The following GTF2IRD2 variants were observed in gnomAD, a reference collection of about 807,000 sequenced individuals.
GTF2IRD2 encodes general transcription factor II-I repeat domain-containing protein 2A.
GTF2IRD2 carries 8 observed loss-of-function variants against 49.2 expected under a neutral mutation model. The ratio of observed to expected loss-of-function variants is 0.16; its 90% confidence interval spans 0.10 to 0.29. GTF2IRD2 has a LOEUF of 0.29. Ranked by LOEUF, GTF2IRD2 falls within the 10% of genes least tolerant of loss-of-function variation. GTF2IRD2 has a pLI of 1.00. For missense variants in GTF2IRD2, 130 were observed against 725.7 expected, an observed-to-expected ratio of 0.18 and a Z score of 9.43; for synonymous variants, 47 against 289.7, an observed-to-expected ratio of 0.16 and a Z score of 8.51.
chr7:74,844,476 T>TC (rs1235221559), intron 1 of GTF2IRD2, among the ~76,000 whole-genome samples: 1 of 37,984 alleles, frequency 2.6e-5, no homozygotes, highest in Non-Finnish European at 4.8e-5. Flanking sequence ...AATCTCCACC[T>TC]CCCTGGTCAA....
chr7:74,825,788 T>C (rs1251221556), intron 3 of GTF2IRD2, among the ~76,000 whole-genome samples: 1 of 147,184 alleles, frequency 6.8e-6, no homozygotes, highest in Admixed American at 7.3e-5. Flanking sequence ...CAAGTATAGT[T>C]TTCTTTCTTT....
chr7:74,796,352 G>A lies in GTF2IRD2; in HGVS notation c.*310C>T, dbSNP rs587689503. The A allele has an allele frequency of 4.0e-4, 147 of 370,464 alleles. 1 individual carries two copies. Among genetic ancestry groups the A allele is most frequent in the African/African-American group, 2.8e-3 (135 of 47,508 alleles). The allele number at this position is 370,464 out of a possible 1,614,324, so 22.9% of individuals were successfully genotyped here. A position where few individuals can be genotyped will look rare whatever the true frequency, so the allele number is the denominator to read the frequency against. ...GGTCGAGGCAGGTGGATCACCTGAG[G>A]TCAGGAGTTGGAGACCAGCCTGGCC... On this transcript the variant is annotated 3_prime_UTR_variant, in exon 16 of 16. Transcript: ENST00000451013.
At chr7:74,842,988 C>T (rs1554422061) in intron 1 of GTF2IRD2, among the ~76,000 whole-genome samples, 3 of 77,664 alleles carry the variant, frequency 3.9e-5, no homozygotes, top group South Asian at 5.8e-4. Flanking sequence ...TGCAGTGGCA[C>T]GATCTCAGCT....
intron 3 of GTF2IRD2, among the ~76,000 whole-genome samples, chr7:74,831,844 A>AT (rs781792413): frequency 3.8e-5 from 1 of 26,626 alleles, no homozygotes; most frequent in African/African-American, 1.9e-4. Context: ...CGCCCATCTA[A>AT]TTTTTTTTTG....
intron 6 of GTF2IRD2, 159 bp downstream of exon 6, chr7:74,822,268 C>T: frequency 5.4e-6 from 6 of 1,106,446 alleles, no homozygotes; most frequent in South Asian, 2.6e-5. Flanking sequence ...CCAGGATGGT[C>T]GCGATCTCCT....
At chr7:74,831,338 CATCT>C (rs1427279345) in intron 3 of GTF2IRD2, among the ~76,000 whole-genome samples, 6 of 149,316 alleles carry the variant, frequency 4.0e-5, no homozygotes, top group Non-Finnish European at 8.9e-5. Context: ...TCTTATCTAT[CATCT>C]ATCCATTTAT....
At chr7:74,840,806 T>A (rs1225599207) in intron 1 of GTF2IRD2, among the ~76,000 whole-genome samples, 2 of 139,872 alleles carry the variant, frequency 1.4e-5, no homozygotes, top group Non-Finnish European at 3.0e-5. Flanking sequence ...TCAGGCATCT[T>A]GTCTATTGAA....
chr7:74,840,364 G>A (rs1187332315), intron 1 of GTF2IRD2, among the ~76,000 whole-genome samples: 1 of 94,486 alleles, frequency 1.1e-5, no homozygotes, highest in Non-Finnish European at 2.0e-5. Context: ...AAAGTGCTGG[G>A]ATTACAGGCG....
At chr7:74,842,595 C>T (rs1330173101) in intron 1 of GTF2IRD2, among the ~76,000 whole-genome samples, 3 of 145,080 alleles carry the variant, frequency 2.1e-5, no homozygotes, top group Non-Finnish European at 3.0e-5. Flanking sequence ...GGCTGACGTG[C>T]AGTGCCATGA....
intron 2 of GTF2IRD2, among the ~76,000 whole-genome samples, chr7:74,835,921 G>A (rs1255940507): frequency 8.1e-6 from 1 of 122,878 alleles, no homozygotes; most frequent in Non-Finnish European, 1.5e-5. Flanking sequence ...GGAGGCGGAG[G>A]TTGCAGTGAG....
At chr7:74,841,285 A>C (rs1554421831) in intron 1 of GTF2IRD2, among the ~76,000 whole-genome samples, 5 of 102,248 alleles carry the variant, frequency 4.9e-5, no homozygotes, top group Admixed American at 2.0e-4. Flanking sequence ...CTTCTGCCTC[A>C]GCCTCCCAAG....
rs782784746 is a variant in GTF2IRD2 at position 74,797,759 on chromosome 7, G to C, written c.1753C>G (p.Pro585Ala). The C allele has an allele frequency of 1.2e-6, 2 of 1,602,310 alleles. No homozygotes were observed. The highest frequency in any genetic ancestry group is 2.2e-5 in the South Asian group (2 of 90,184). Residue 585 changes from proline to alanine, a missense_variant, in exon 16 of 16, where the codon CCC becomes GCC. Physicochemically the swap from Pro to Ala is conservative, Grantham distance 27. Transcript: ENST00000451013. ...TTGCCAGATTTTGTACCCGTCATGGGCACCGTGTCCAGAAGTTCTTCGGAC... is the reference window on the plus strand; with the variant it reads ...TTGCCAGATTTTGTACCCGTCATGGCCACCGTGTCCAGAAGTTCTTCGGAC... The part of the protein sequence containing the change: ...DVSEELLDTV[P>A]MTGTKSGNEI...
chr7:74,841,176 T>C (rs1423881041), intron 1 of GTF2IRD2, among the ~76,000 whole-genome samples: 2 of 137,968 alleles, frequency 1.4e-5, no homozygotes, highest in Non-Finnish European at 3.1e-5. Context: ...ATGTATTGGT[T>C]TTTTTTTTTG....
chr7:74,839,092 T>G (rs879194079), intron 1 of GTF2IRD2, among the ~76,000 whole-genome samples: 1 of 25,880 alleles, frequency 3.9e-5, no homozygotes, highest in Non-Finnish European at 6.3e-5. Context: ...GCTCGGCTAA[T>G]TTTTGTATTT....
At chr7:74,822,325 C>G (rs587602305) in intron 6 of GTF2IRD2, 102 bp downstream of exon 6, 1 of 954,834 alleles carries the variant, frequency 1.0e-6, no homozygotes, top group African/African-American at 1.7e-5. Flanking sequence ...GCTGGGATTA[C>G]AGGTGTGAGC....
rs1165672995 is a variant in GTF2IRD2 at position 74,840,067 on chromosome 7, C to CTTTTTTTTTT, written c.-5-3694_-5-3685dup. 1.1e-4 allele frequency among the ~76,000 whole-genome samples: 8 copies of CTTTTTTTTTT among 70,120 alleles called. 1 individual carries two copies. The highest frequency in any genetic ancestry group is 6.2e-4 in the East Asian group (1 of 1,612). The allele number at this position is 70,120 out of a possible 152,430, so 46.0% of individuals were successfully genotyped here. A position where few individuals can be genotyped will look rare whatever the true frequency, so the allele number is the denominator to read the frequency against. The stretch of plus-strand genomic sequence containing the variant: ...ACCCCTGGTGATGAAGGTCCTATGT[C>CTTTTTTTTTT]TTTTTTTTTTTTTTTTTTTTTTTGA... On this transcript the variant is annotated intron_variant, in intron 1 of 15. Transcript: ENST00000451013.
intron 8 of GTF2IRD2, among the ~76,000 whole-genome samples, chr7:74,817,164 G>A (rs2131696908): frequency 3.4e-5 from 1 of 29,570 alleles, no homozygotes; most frequent in African/African-American, 2.5e-4. Flanking sequence ...CGATTCTCCT[G>A]TCTCAGCCTC....
At chr7:74,844,403 T>TATTTA (rs1584408617) in intron 1 of GTF2IRD2, among the ~76,000 whole-genome samples, 4 of 47,264 alleles carry the variant, frequency 8.5e-5, no homozygotes, top group African/African-American at 1.7e-4. Context: ...TTTATTTATT[T>TATTTA]TGAGACGGAG....
intron 3 of GTF2IRD2, among the ~76,000 whole-genome samples, chr7:74,829,833 A>C (rs1178136650): frequency 1.3e-5 from 2 of 150,252 alleles, no homozygotes; most frequent in Non-Finnish European, 3.0e-5. Context: ...GGTTGTGGTC[A>C]GCCGAGATCT....
Sources: gnomAD v4.1 joint callset for allele counts (sites outside exome capture counted in the v4.1 genomes callset) on GRCh38, gnomAD v4.1.1 for gene constraint, MANE v1.5 for transcripts, NCBI Gene and HGNC (gene_info 2026-07-23, HGNC 2026-07-21) for gene names.